Variants in MYO3A observed in about 807,000 individuals in gnomAD.
MYO3A encodes myosin-IIIa.
In MYO3A, 180 loss-of-function variants were observed where a neutral mutation model predicts 192.7. The ratio of observed to expected loss-of-function variants is 0.93; its 90% CI spans 0.83 to 1.06. MYO3A has a LOEUF of 1.06. Ranked by LOEUF, MYO3A falls within the 50% of genes least tolerant of loss-of-function variation. MYO3A has a pLI of 0.00. For synonymous variants in MYO3A, 628 were observed against 645.3 expected, an observed-to-expected ratio of 0.97 and a Z score of 0.41; for missense variants, 1,896 against 1,905.0, an observed-to-expected ratio of 1.00 and a Z score of 0.09.
intron 10 of MYO3A, among the ~76,000 whole-genome samples, chr10:26,059,246 A>G (rs556238670): frequency 1.4e-4 from 22 of 152,196 alleles, no homozygotes; most frequent in African/African-American, 5.3e-4. Flanking sequence ...GTAGAGAGAG[A>G]ACATCCTTGC....
intron 34 of MYO3A, among the ~76,000 whole-genome samples, chr10:26,206,343 G>C (rs2132230677): frequency 6.6e-6 from 1 of 151,414 alleles, no homozygotes; most frequent in East Asian, 2.0e-4. Flanking sequence ...TTACAGGCGT[G>C]AGCCACAGCG....
At chr10:26,048,412 G>C (rs1313008952) in intron 10 of MYO3A, among the ~76,000 whole-genome samples, 1 of 151,506 alleles carries the variant, frequency 6.6e-6, no homozygotes, top group Non-Finnish European at 1.5e-5. Flanking sequence ...TTAGCAAAAA[G>C]AAAGAAAGAT....
At chr10:25,936,634 C>T (rs1836087160) in intron 2 of MYO3A, among the ~76,000 whole-genome samples, 1 of 152,146 alleles carries the variant, frequency 6.6e-6, no homozygotes, top group Admixed American at 6.5e-5. Context: ...TCCCTTACTA[C>T]TTTGGCGACA....
chr10:26,024,846 C>G (rs1168373495), intron 9 of MYO3A, among the ~76,000 whole-genome samples: 1 of 152,094 alleles, frequency 6.6e-6, no homozygotes, highest in Admixed American at 6.6e-5. Flanking sequence ...GTCCTGGTTG[C>G]TATTGATTTG....
At chr10:26,191,540 G>A (rs953474073) in intron 31 of MYO3A, among the ~76,000 whole-genome samples, 4 of 152,206 alleles carry the variant, frequency 2.6e-5, no homozygotes, top group Non-Finnish European at 5.9e-5. Flanking sequence ...AGACAGTAAT[G>A]TATGATAGTT....
chr10:26,047,540 G>A (rs1007460372), intron 10 of MYO3A, among the ~76,000 whole-genome samples: 9 of 152,144 alleles, frequency 5.9e-5, no homozygotes, highest in Admixed American at 1.3e-4. Context: ...TTGGGAGGCC[G>A]AGGCAGGTGG....
intron 26 of MYO3A, among the ~76,000 whole-genome samples, chr10:26,158,958 A>C (rs533628483): frequency 2.0e-5 from 3 of 152,038 alleles, no homozygotes; most frequent in Non-Finnish European, 4.4e-5. Context: ...TTTTACTTGG[A>C]GTAACCAAGA....
At chr10:25,992,078 G>A (rs536728610) in intron 4 of MYO3A, among the ~76,000 whole-genome samples, 183 of 152,212 alleles carry the variant, frequency 1.2e-3, no homozygotes, top group African/African-American at 4.1e-3. Flanking sequence ...GATGGGGATG[G>A]CACTGAATCT....
intron 14 of MYO3A, among the ~76,000 whole-genome samples, chr10:26,075,768 T>C (rs12773624): frequency 6.8e-6 from 1 of 147,198 alleles, no homozygotes. Flanking sequence ...TATGTCTCTC[T>C]CATATATATA....
intron 31 of MYO3A, among the ~76,000 whole-genome samples, chr10:26,188,176 T>C (rs929452473): frequency 5.9e-5 from 9 of 152,236 alleles, no homozygotes; most frequent in African/African-American, 2.2e-4. Flanking sequence ...TTTTTAATGA[T>C]CGCCATTCTA....
At chr10:26,158,651 T>C (rs928503101) in intron 26 of MYO3A, among the ~76,000 whole-genome samples, 6 of 152,096 alleles carry the variant, frequency 3.9e-5, no homozygotes, top group Non-Finnish European at 7.4e-5. Flanking sequence ...AATGTGAAGG[T>C]TCAATATCTT....
intron 25 of MYO3A, among the ~76,000 whole-genome samples, chr10:26,156,105 G>A (rs950934059): frequency 6.6e-6 from 1 of 152,144 alleles, no homozygotes; most frequent in Non-Finnish European, 1.5e-5. Flanking sequence ...TGTACCACCA[G>A]TACTTGGCAG....
At position 26,125,420 on chromosome 10, in the gene MYO3A, G is replaced by T. The variant is rs1839159141; in HGVS notation, c.1926G>T (p.Arg642=). The T allele has an allele frequency of 1.2e-6, 2 of 1,613,940 alleles. No homozygotes were observed. Among genetic ancestry groups the T allele is most frequent in the East Asian group, 4.5e-5 (2 of 44,840 alleles). Residue 642 remains arginine (R), a synonymous_variant, in exon 19 of 35, where the codon CGG becomes CGT. Transcript: ENST00000642920. ...LENCASLLCI[R]ADELQEALTS... ...CAGGTGCTTCTTTGCTTTGCATTCG[G>T]GCAGATGAGCTACAAGAAGCTCTCA...
At position 25,996,488 on chromosome 10, in the gene MYO3A, A is replaced by G. The variant is rs765490829; in HGVS notation, c.304-2A>G. On this transcript the variant is annotated splice_acceptor_variant, in intron 4 of 34. Transcript: ENST00000642920. LOFTEE classifies it high-confidence loss of function. ...TAGCCATCTTAAAATATTCTTGTTT[A>G]GCTCTGCAGTGGAGGATCAGTGACT... is the stretch of plus-strand genomic sequence containing the variant. 3 of 1,612,386 alleles carry G rather than the reference A, an allele frequency of 1.9e-6. No individual in the cohort carries two copies. Among genetic ancestry groups the G allele is most frequent in the Non-Finnish European group, 2.5e-6 (3 of 1,178,600 alleles).
intron 34 of MYO3A, among the ~76,000 whole-genome samples, chr10:26,210,519 G>C (rs1307576114): frequency 6.6e-6 from 1 of 152,126 alleles, no homozygotes; most frequent in Non-Finnish European, 1.5e-5. Flanking sequence ...CACAGGCCTA[G>C]TGTAAGCCAC....
intron 9 of MYO3A, among the ~76,000 whole-genome samples, chr10:26,025,790 T>A (rs1213079075): frequency 6.6e-6 from 1 of 152,218 alleles, no homozygotes; most frequent in Non-Finnish European, 1.5e-5. Context: ...TATGCTCTGG[T>A]TGAACCTATC....
At chr10:25,994,965 G>A (rs1246338780) in intron 4 of MYO3A, among the ~76,000 whole-genome samples, 2 of 152,114 alleles carry the variant, frequency 1.3e-5, no homozygotes, top group Non-Finnish European at 2.9e-5. Context: ...TTTCAACCTT[G>A]GTGAATCTGA....
At chr10:26,162,354 A>G (rs184090553) in intron 26 of MYO3A, among the ~76,000 whole-genome samples, 10 of 152,346 alleles carry the variant, frequency 6.6e-5, no homozygotes, top group Non-Finnish European at 1.0e-4. Flanking sequence ...TACAACATCA[A>G]TGTAAGTTTG....
intron 15 of MYO3A, among the ~76,000 whole-genome samples, chr10:26,094,807 C>T (rs1252884469): frequency 6.6e-6 from 1 of 152,034 alleles, no homozygotes; most frequent in Non-Finnish European, 1.5e-5. Context: ...GGGAGAAGAC[C>T]CTGGAATGTT....
Sources: gnomAD v4.1 joint callset for allele counts (sites outside exome capture counted in the v4.1 genomes callset) on GRCh38, gnomAD v4.1.1 for gene constraint, MANE v1.5 for transcripts, NCBI Gene and HGNC (gene_info 2026-07-23, HGNC 2026-07-21) for gene names.